NEK1: variants seen among roughly 807,000 people sequenced by gnomAD.
The protein encoded by NEK1 is serine/threonine-protein kinase Nek1.
Under a neutral mutation model 182.1 loss-of-function variants are expected in NEK1, and 137 were observed. The observed-to-expected ratio is 0.75, with a 90% CI of 0.65 to 0.87. The LOEUF (loss-of-function observed/expected upper bound fraction) is 0.87. Among genes scored for constraint, NEK1 ranks in the 40% least tolerant of loss-of-function variants. The pLI, the probability that NEK1 is intolerant of heterozygous loss-of-function variation, is 0.00. For missense variants in NEK1, 1,391 were observed against 1,494.4 expected, an observed-to-expected ratio of 0.93 and a Z score of 1.14; for synonymous variants, 513 against 492.2, an observed-to-expected ratio of 1.04 and a Z score of -0.56.
chr4:169,489,371 C>T (rs1330410871), intron 23 of NEK1, among the ~76,000 whole-genome samples: 4 of 152,092 alleles, frequency 2.6e-5, no homozygotes, highest in Non-Finnish European at 4.4e-5. Context: ...AATGCTCTAC[C>T]CTCTGCCCCA....
intron 31 of NEK1, among the ~76,000 whole-genome samples, chr4:169,413,390 C>T (rs1383397202): frequency 6.6e-6 from 1 of 152,074 alleles, no homozygotes; most frequent in African/African-American, 2.4e-5. Flanking sequence ...TCAGGCTGCT[C>T]TCAAACTCCT....
intron 23 of NEK1, among the ~76,000 whole-genome samples, chr4:169,481,294 T>C (rs892033968): frequency 3.3e-5 from 5 of 152,190 alleles, no homozygotes; most frequent in Admixed American, 3.3e-4. Flanking sequence ...ATTAACTCCA[T>C]GAATCAAAAA....
At chr4:169,459,173 T>G (rs1403667916) in intron 27 of NEK1, among the ~76,000 whole-genome samples, 1 of 151,970 alleles carries the variant, frequency 6.6e-6, no homozygotes, top group East Asian at 1.9e-4. Context: ...ATTCTTAAAC[T>G]CAACAATAAG....
At chr4:169,459,308 A>G (rs1034457146) in intron 27 of NEK1, among the ~76,000 whole-genome samples, 28 of 152,220 alleles carry the variant, frequency 1.8e-4, no homozygotes, top group African/African-American at 6.8e-4. Context: ...ATATGTTATT[A>G]GGAGATTGCA....
chr4:169,559,789 C>A (rs1762639054), intron 16 of NEK1, among the ~76,000 whole-genome samples: 1 of 152,154 alleles, frequency 6.6e-6, no homozygotes, highest in Non-Finnish European at 1.5e-5. Flanking sequence ...GCAGGCAGGT[C>A]ACCTGAGGTC....
At chr4:169,451,273 G>C (rs552798942) in intron 27 of NEK1, among the ~76,000 whole-genome samples, 1 of 152,262 alleles carries the variant, frequency 6.6e-6, no homozygotes, top group African/African-American at 2.4e-5. Flanking sequence ...ACTCAGCTCT[G>C]CAATAAGCAG....
At chr4:169,480,509 C>G (rs1440365443) in intron 23 of NEK1, among the ~76,000 whole-genome samples, 1 of 92,758 alleles carries the variant, frequency 1.1e-5, no homozygotes, top group African/African-American at 6.6e-5. Flanking sequence ...CACCTCATTC[C>G]TAAAAAAAAA....
chr4:169,490,282 G>C (rs62334479), intron 23 of NEK1, among the ~76,000 whole-genome samples: 1,807 of 152,138 alleles, frequency 0.012, 18 homozygotes, highest in Non-Finnish European at 0.019. Flanking sequence ...ACCACCCACA[G>C]AGCCAATGCA....
chr4:169,401,633 CA>C lies in NEK1; in HGVS notation c.3583+18del, dbSNP rs1364350634. ...TTGTAAACTGAAAAAGAAAAAGGTC[CA>C]AAACTCTGATCATGCACCTGAGTGC... On this transcript the variant is annotated intron_variant, in intron 33 of 35. Transcript: ENST00000507142. The C allele has an allele frequency of 6.2e-7, 1 of 1,606,296 alleles. No individual in the cohort carries two copies. The highest frequency in any genetic ancestry group is 2.2e-5 in the East Asian group (1 of 44,746).
intron 4 of NEK1, among the ~76,000 whole-genome samples, chr4:169,599,853 T>C (rs1206337941): frequency 6.6e-6 from 1 of 152,140 alleles, no homozygotes; most frequent in Non-Finnish European, 1.5e-5. Flanking sequence ...TTCCTATGGA[T>C]AGAAAGGACT....
In NEK1 at chr4:169,551,062, A is replaced by C. The variant is rs184914094; in HGVS notation, c.1562+4658T>G. 5.2e-4 allele frequency among the ~76,000 whole-genome samples: 79 copies of C among 152,370 alleles called. No homozygotes were observed. In the East Asian group the frequency reaches 0.014, roughly 26 times the overall value. On this transcript the variant is annotated intron_variant, in intron 18 of 35. Coordinates refer to ENST00000507142, the MANE Select transcript of NEK1 (RefSeq NM_001199397.3). ...AGAACAGGTCCTTGCACAAGTGCCC[A>C]ATTAAATATTAGTTGCTACCTTTTA... is the stretch of plus-strand genomic sequence containing the variant.
In NEK1 at chr4:169,393,206, T is replaced by G. The variant is rs1733685037; in HGVS notation, c.*1304A>C. 1 of 152,180 alleles carries G rather than the reference T, an allele frequency of 6.6e-6. No homozygotes were observed. Among genetic ancestry groups the G allele is most frequent in the South Asian group, 2.1e-4 (1 of 4,832 alleles). 9.4% of individuals were successfully genotyped at this position (152,180 alleles called of 1,614,324 possible). On this transcript the variant is annotated 3_prime_UTR_variant, in exon 36 of 36. Coordinates refer to ENST00000507142, the MANE Select transcript of NEK1 (RefSeq NM_001199397.3). ...TCAGGTACAAAACCAACAAAAGTAT[T>G]ATCAGCTTGATGTAAAAGCCTTCTA... is the stretch of plus-strand genomic sequence containing the variant.
chr4:169,400,321 A>G lies in NEK1; in HGVS notation c.3751T>C (p.Cys1251Arg). 1.3e-6 allele frequency: 2 copies of G among 1,536,962 alleles called. No homozygotes were observed. Among genetic ancestry groups the G allele is most frequent in the South Asian group, 1.2e-5 (1 of 81,726 alleles). Residue 1251 changes from cysteine (C) to arginine (R), a missense_variant, in exon 35 of 36, where the codon TGT (cysteine) becomes CGT (arginine). Coordinates refer to ENST00000507142, the MANE Select transcript of NEK1 (RefSeq NM_001199397.3). ...HEDEDENIEI[C>R]SKIVQNILGN... ...AAAATATTTTGAACTATTTTTGAAC[A>G]AATTTCAATATTTTCATCTTCATCT...
At chr4:169,580,926 T>A in intron 10 of NEK1, 24 bp from the exon 11 acceptor site, 2 of 1,325,564 alleles carry the variant, frequency 1.5e-6, no homozygotes, top group Non-Finnish European at 2.1e-6. Context: ...AGAAAAAAAT[T>A]AGAAAAGATG....
chr4:169,557,643 G>C (rs761961532), intron 16 of NEK1, among the ~76,000 whole-genome samples: 22 of 152,088 alleles, frequency 1.4e-4, no homozygotes, highest in Admixed American at 3.3e-4. Flanking sequence ...GTTAAAAAAA[G>C]AAACAAAGGC....
intron 27 of NEK1, among the ~76,000 whole-genome samples, chr4:169,445,188 T>G (rs191088922): frequency 2.1e-3 from 327 of 152,168 alleles, no homozygotes; most frequent in Admixed American, 5.0e-3. Flanking sequence ...GGGAGGCTGA[T>G]GTAGGAGAAT....
chr4:169,403,219 G>C (rs147759848), intron 32 of NEK1, among the ~76,000 whole-genome samples: 120 of 152,232 alleles, frequency 7.9e-4, no homozygotes, highest in African/African-American at 2.8e-3. Flanking sequence ...TGAGAAAATA[G>C]TGTCTAATCT....
intron 5 of NEK1, among the ~76,000 whole-genome samples, chr4:169,594,990 G>C (rs1769191418): frequency 6.6e-6 from 1 of 152,020 alleles, no homozygotes; most frequent in African/African-American, 2.4e-5. Flanking sequence ...CAGCCTTTCA[G>C]TCTCATTATC....
At chr4:169,422,333 T>C (rs1735629624) in intron 31 of NEK1, among the ~76,000 whole-genome samples, 1 of 152,186 alleles carries the variant, frequency 6.6e-6, no homozygotes, top group Non-Finnish European at 1.5e-5. Flanking sequence ...AAAAGAAGTT[T>C]GCTATTTTTG....
Sources: gnomAD v4.1 joint callset for allele counts (sites outside exome capture counted in the v4.1 genomes callset) on GRCh38, gnomAD v4.1.1 for gene constraint, MANE v1.5 for transcripts, NCBI Gene and HGNC (gene_info 2026-07-23, HGNC 2026-07-21) for gene names.